Variants in DCC observed in about 807,000 individuals in gnomAD.
The protein encoded by DCC is DCC netrin 1 receptor.
A neutral mutation model predicts 172.5 loss-of-function variants in DCC; 58 were observed. The ratio of observed to expected loss-of-function variants is 0.34; its 90% CI spans 0.27 to 0.42. The LOEUF is 0.42. Among genes scored for constraint, DCC ranks in the 10% least tolerant of loss-of-function variants. The pLI is 1.00. For missense variants in DCC, 1,740 were observed against 1,791.0 expected, an observed-to-expected ratio of 0.97 and a Z score of 0.51; for synonymous variants, 709 against 644.5, an observed-to-expected ratio of 1.10 and a Z score of -1.52.
intron 28 of DCC, 181 bp downstream of exon 28, chr18:53,526,940 GA>G (rs1231968788): frequency 2.0e-5 from 13 of 646,088 alleles, no homozygotes; most frequent in East Asian, 5.6e-5. Flanking sequence ...TAAAAGCTAT[GA>G]AAAAAAATTA....
intron 12 of DCC, among the ~76,000 whole-genome samples, chr18:53,225,586 T>C (rs1426856552): frequency 2.6e-5 from 4 of 151,918 alleles, no homozygotes; most frequent in Admixed American, 6.6e-5. Flanking sequence ...AGACGATAAG[T>C]GTAAGTAAAG....
chr18:52,347,780 C>T (rs557715018), intron 1 of DCC, among the ~76,000 whole-genome samples: 7 of 152,162 alleles, frequency 4.6e-5, no homozygotes, highest in South Asian at 2.1e-4. Flanking sequence ...CTTTGTACAA[C>T]GTATTTTTCC....
intron 12 of DCC, among the ~76,000 whole-genome samples, chr18:53,274,553 T>C (rs894530747): frequency 1.1e-4 from 16 of 152,298 alleles, no homozygotes; most frequent in Non-Finnish European, 2.1e-4. Flanking sequence ...TGTCTCATGA[T>C]GCCACTGCAA....
intron 5 of DCC, among the ~76,000 whole-genome samples, chr18:53,029,785 G>A (rs537158446): frequency 5.9e-5 from 9 of 152,180 alleles, no homozygotes; most frequent in Admixed American, 2.6e-4. Flanking sequence ...GCTTGGTAAG[G>A]CTGTGTGTGG....
chr18:52,841,810 T>C (rs2145319314), intron 2 of DCC, among the ~76,000 whole-genome samples: 1 of 152,180 alleles, frequency 6.6e-6, no homozygotes, highest in African/African-American at 2.4e-5. Context: ...TCCCCCCTCC[T>C]CCCATCCATC....
intron 5 of DCC, among the ~76,000 whole-genome samples, chr18:53,028,008 C>G (rs2041979597): frequency 6.6e-6 from 1 of 152,038 alleles, no homozygotes; most frequent in African/African-American, 2.4e-5. Context: ...AGAATACTGA[C>G]AAAGAAATAT....
At chr18:52,873,413 G>A (rs564991497) in intron 2 of DCC, among the ~76,000 whole-genome samples, 2 of 152,248 alleles carry the variant, frequency 1.3e-5, no homozygotes, top group African/African-American at 2.4e-5. Flanking sequence ...ATATATACAC[G>A]AGCTTGCCTA....
chr18:53,495,289 G>A (rs1259354188), intron 26 of DCC, among the ~76,000 whole-genome samples: 2 of 151,698 alleles, frequency 1.3e-5, no homozygotes, highest in African/African-American at 4.9e-5. Flanking sequence ...CTACTCAGGA[G>A]GCTGAGGCAG....
Position 53,450,531 on chromosome 18 carries a change from T to A in DCC, c.3261T>A (p.His1087Gln), listed in dbSNP as rs1490045885. The change falls in exon 23 of 29, where the codon CAT (histidine) becomes CAA (glutamine). Residue 1087 changes from histidine (H) to glutamine (Q), a missense_variant. His to Gln is a conservative substitution (Grantham distance 24, BLOSUM62 0). Transcript: ENST00000442544. ...EPPIGQMHPPHGSVTPQKNSN... is the reference protein window; with the variant it reads ...EPPIGQMHPPQGSVTPQKNSN... The stretch of plus-strand genomic sequence containing the variant: ...CAATTGGACAAATGCACCCCCCGCA[T>A]GGCAGTGTCACTCCTCAGAAGAACA... The A allele has an allele frequency of 6.2e-7, 1 of 1,613,946 alleles. No individual in the cohort carries two copies. The highest frequency in any genetic ancestry group is 8.5e-7 in the Non-Finnish European group (1 of 1,180,006).
chr18:53,418,266 CAAAG>C (rs1450799225), intron 21 of DCC, among the ~76,000 whole-genome samples: 1 of 152,058 alleles, frequency 6.6e-6, no homozygotes, highest in African/African-American at 2.4e-5. Context: ...CAAATTCTTA[CAAAG>C]AAAGCATATA....
At chr18:53,111,799 A>G (rs1469182969) in intron 7 of DCC, among the ~76,000 whole-genome samples, 1 of 151,706 alleles carries the variant, frequency 6.6e-6, no homozygotes, top group Non-Finnish European at 1.5e-5. Context: ...AGTATAATGA[A>G]TCTGAAAAGA....
intron 1 of DCC, among the ~76,000 whole-genome samples, chr18:52,492,008 T>A (rs2072308074): frequency 6.6e-6 from 1 of 151,622 alleles, no homozygotes; most frequent in Admixed American, 6.6e-5. Flanking sequence ...GGGAAATCAG[T>A]GATTAGATGT....
At chr18:52,713,974 G>A (rs1395979591) in intron 1 of DCC, among the ~76,000 whole-genome samples, 2 of 152,142 alleles carry the variant, frequency 1.3e-5, no homozygotes, top group Non-Finnish European at 2.9e-5. Flanking sequence ...TCTGTTTTAG[G>A]ACTACAAACT....
At chr18:52,958,367 T>C (rs772666683) in intron 5 of DCC, among the ~76,000 whole-genome samples, 1 of 152,140 alleles carries the variant, frequency 6.6e-6, no homozygotes, top group Non-Finnish European at 1.5e-5. Flanking sequence ...ATAATATTGA[T>C]CTGTGAATGG....
chr18:53,499,124 T>C (rs2046063811), intron 26 of DCC, among the ~76,000 whole-genome samples, 174 bp from the exon 27 acceptor site: 1 of 152,214 alleles, frequency 6.6e-6, no homozygotes, highest in African/African-American at 2.4e-5. Flanking sequence ...GGGGAAGTGC[T>C]GTCATGTTCC....
At position 52,783,439 on chromosome 18, in the gene DCC, G is replaced by T. The variant is rs1433878364; in HGVS notation, c.412+31065G>T. Among the ~76,000 whole-genome samples the T allele has an allele frequency of 2.8e-5, 4 of 144,088 alleles. No homozygotes were observed. The East Asian group carries it at 8.3e-4, about 30-fold the overall frequency. The allele number at this position is 144,088 out of a possible 152,430, so 94.5% of individuals were successfully genotyped here. On this transcript the variant is annotated intron_variant, in intron 2 of 28. Transcript: ENST00000442544. Reference sequence around the variant, plus strand: ...AAAGTTTTAATCTTGGCATCCACAGGTGTGTAATGTGACTTGAGACCTAAC... The same window carrying T: ...AAAGTTTTAATCTTGGCATCCACAGTTGTGTAATGTGACTTGAGACCTAAC...
rs73957539 is a variant in DCC at position 53,525,325 on chromosome 18, A to T, written c.4112-1292A>T. On this transcript the variant is annotated intron_variant, in intron 27 of 28. Coordinates refer to ENST00000442544, the MANE Select transcript of DCC (RefSeq NM_005215.4). ...TAGGCACTCAGTAAATATTATTTCCACTCTGAAGAAAACGATTCATGTTTC... is the reference window on the plus strand; with the variant it reads ...TAGGCACTCAGTAAATATTATTTCCTCTCTGAAGAAAACGATTCATGTTTC... 9.7e-3 allele frequency among the ~76,000 whole-genome samples: 1,473 copies of T among 152,174 alleles called. 17 individuals carry two copies. Among genetic ancestry groups the T allele is most frequent in the African/African-American group, 0.034 (1,407 of 41,536 alleles).
intron 1 of DCC, among the ~76,000 whole-genome samples, chr18:52,599,321 G>A (rs1201750705): frequency 6.6e-6 from 1 of 152,050 alleles, no homozygotes; most frequent in Non-Finnish European, 1.5e-5. Context: ...CCTTTTCTGT[G>A]CAGGGCCATA....
intron 28 of DCC, 130 bp from the exon 29 acceptor site, chr18:53,530,434 A>G (rs772910553): frequency 2.7e-6 from 2 of 738,462 alleles, no homozygotes; most frequent in South Asian, 2.8e-5. Context: ...TATTCCAAGG[A>G]CAGCCCTGGC....
Sources: gnomAD v4.1 joint callset for allele counts (sites outside exome capture counted in the v4.1 genomes callset) on GRCh38, gnomAD v4.1.1 for gene constraint, MANE v1.5 for transcripts, NCBI Gene and HGNC (gene_info 2026-07-23, HGNC 2026-07-21) for gene names.